The following LRRTM4 variants were observed in gnomAD, a reference collection of about 807,000 sequenced individuals.
The protein encoded by LRRTM4 is leucine rich repeat transmembrane neuronal 4.
A neutral mutation model predicts 47.6 loss-of-function variants in LRRTM4; 25 were observed. The observed-to-expected ratio is 0.53, with a 90% CI of 0.38 to 0.73. The LOEUF (loss-of-function observed/expected upper bound fraction) is 0.73, where lower values mean the gene tolerates loss of function less well. LRRTM4 is among the 30% of genes least tolerant of loss of function. The probability of loss-of-function intolerance (pLI) is 0.00; values close to 1 mark genes in which losing one functional copy is unlikely to be tolerated. For missense variants in LRRTM4, 638 were observed against 713.4 expected (o/e 0.89, Z 1.20); for synonymous variants, 311 against 269.5 (o/e 1.15, Z -1.51).
intron 3 of LRRTM4, among the ~76,000 whole-genome samples, chr2:77,132,168 G>A (rs142164791): frequency 0.01 from 1,572 of 152,132 alleles, 28 homozygotes; most frequent in African/African-American, 0.036. Flanking sequence ...TCCAGCCTCT[G>A]GTAACTATCA....
intron 3 of LRRTM4, among the ~76,000 whole-genome samples, chr2:77,459,206 T>C (rs1418469919): frequency 2.0e-5 from 3 of 152,150 alleles, no homozygotes; most frequent in Non-Finnish European, 4.4e-5. Context: ...GATTTTATCT[T>C]CACCTCATTG....
At chr2:77,292,934 G>A (rs1181253458) in intron 3 of LRRTM4, among the ~76,000 whole-genome samples, 4 of 151,444 alleles carry the variant, frequency 2.6e-5, no homozygotes, top group Admixed American at 6.6e-5. Flanking sequence ...AATTCAGATC[G>A]CATGACTTTA....
At chr2:77,125,580 C>T (rs1558592569) in intron 3 of LRRTM4, among the ~76,000 whole-genome samples, 1 of 152,154 alleles carries the variant, frequency 6.6e-6, no homozygotes, top group Non-Finnish European at 1.5e-5. Context: ...AATAAGTTTA[C>T]CATTTTTAAG....
chr2:77,006,514 C>T (rs1677655664), intron 3 of LRRTM4, among the ~76,000 whole-genome samples: 1 of 151,986 alleles, frequency 6.6e-6, no homozygotes, highest in Admixed American at 6.6e-5. Flanking sequence ...AGGGCCAATG[C>T]CAATTGCAAA....
intron 3 of LRRTM4, among the ~76,000 whole-genome samples, chr2:77,470,597 A>C (rs947696770): frequency 2.0e-5 from 3 of 152,132 alleles, no homozygotes; most frequent in African/African-American, 7.2e-5. Context: ...GTACAAGCAC[A>C]ACCTTTGTTG....
At chr2:77,324,512 T>A (rs1434024623) in intron 3 of LRRTM4, among the ~76,000 whole-genome samples, 1 of 150,720 alleles carries the variant, frequency 6.6e-6, no homozygotes, top group African/African-American at 2.4e-5. Context: ...TCTAGATTTT[T>A]TTTAATCCAG....
chr2:77,111,599 C>A (rs1338526082), intron 3 of LRRTM4, among the ~76,000 whole-genome samples: 1 of 152,080 alleles, frequency 6.6e-6, no homozygotes. Context: ...TGTCCTACCC[C>A]ATCCTACTTG....
At chr2:77,511,303 A>G (rs1678978189) in intron 3 of LRRTM4, among the ~76,000 whole-genome samples, 1 of 152,078 alleles carries the variant, frequency 6.6e-6, no homozygotes, top group Non-Finnish European at 1.5e-5. Flanking sequence ...TTCAAAAGCA[A>G]TACCATCTGT....
intron 3 of LRRTM4, among the ~76,000 whole-genome samples, chr2:76,841,981 G>T (rs983204621): frequency 3.9e-5 from 6 of 152,138 alleles, no homozygotes; most frequent in Non-Finnish European, 8.8e-5. Context: ...TTAATTTCAT[G>T]TATCACTAGA....
intron 3 of LRRTM4, among the ~76,000 whole-genome samples, chr2:77,234,425 G>A (rs1675049310): frequency 6.6e-6 from 1 of 152,138 alleles, no homozygotes; most frequent in Non-Finnish European, 1.5e-5. Flanking sequence ...TTTGGATGTG[G>A]CCTATGGTAG....
At chr2:76,757,514 C>CA (rs1673078699) in intron 3 of LRRTM4, among the ~76,000 whole-genome samples, 1 of 152,066 alleles carries the variant, frequency 6.6e-6, no homozygotes, top group Admixed American at 6.6e-5. Context: ...TCGCAGTATT[C>CA]AGTGAGGTTT....
At chr2:77,270,264 A>C (rs1364689639) in intron 3 of LRRTM4, among the ~76,000 whole-genome samples, 2 of 152,302 alleles carry the variant, frequency 1.3e-5, no homozygotes, top group South Asian at 4.1e-4. Context: ...TGGAAGAAAA[A>C]AATGAAAAGG....
chr2:76,763,058 T>TGGCATTTCCTTC (rs1673318979), intron 3 of LRRTM4, among the ~76,000 whole-genome samples: 1 of 152,176 alleles, frequency 6.6e-6, no homozygotes, highest in African/African-American at 2.4e-5. Context: ...TCTCTTCCTT[T>TGGCATTTCCTTC]CTATCGCCTA....
chr2:77,304,628 C>T (rs531621760), intron 3 of LRRTM4, among the ~76,000 whole-genome samples: 1 of 152,190 alleles, frequency 6.6e-6, no homozygotes, highest in Admixed American at 6.5e-5. Context: ...ATGACAATGG[C>T]TATCAGTTAT....
chr2:77,185,378 T>C (rs1337078923), intron 3 of LRRTM4, among the ~76,000 whole-genome samples: 2 of 152,178 alleles, frequency 1.3e-5, no homozygotes, highest in African/African-American at 4.8e-5. Flanking sequence ...AAAGGTCATA[T>C]TTTGGTCTCC....
intron 3 of LRRTM4, among the ~76,000 whole-genome samples, chr2:77,467,540 T>A (rs140177253): frequency 6.6e-6 from 1 of 152,324 alleles, no homozygotes; most frequent in East Asian, 1.9e-4. Context: ...CATGTGTACA[T>A]GTAACCTTGA....
chr2:76,766,503 CA>C (rs1305853054), intron 3 of LRRTM4, among the ~76,000 whole-genome samples: 1 of 152,204 alleles, frequency 6.6e-6, no homozygotes, highest in East Asian at 1.9e-4. Context: ...TTTACCCCTT[CA>C]GTTCTTTTAA....
At chr2:77,061,256 T>C (rs1679775906) in intron 3 of LRRTM4, among the ~76,000 whole-genome samples, 1 of 152,184 alleles carries the variant, frequency 6.6e-6, no homozygotes, top group African/African-American at 2.4e-5. Context: ...ATTGTGTTTA[T>C]ACTTGGCCAA....
chr2:77,434,277 C>A (rs1573409070), intron 3 of LRRTM4, among the ~76,000 whole-genome samples: 1 of 151,266 alleles, frequency 6.6e-6, no homozygotes, highest in African/African-American at 2.4e-5. Flanking sequence ...CATGTCAGAG[C>A]AGAATGGCTC....
Sources: gnomAD v4.1 joint callset for allele counts (sites outside exome capture counted in the v4.1 genomes callset) on GRCh38, gnomAD v4.1.1 for gene constraint, MANE v1.5 for transcripts, NCBI Gene and HGNC (gene_info 2026-07-23, HGNC 2026-07-21) for gene names.